SAMD4B: variants seen among roughly 807,000 people sequenced by gnomAD.
The protein encoded by SAMD4B is sterile alpha motif domain containing 4B.
SAMD4B carries 5 observed loss-of-function variants against 74.5 expected under a neutral mutation model. The ratio of observed to expected loss-of-function variants is 0.07; its 90% confidence interval spans 0.04 to 0.14. The LOEUF (loss-of-function observed/expected upper bound fraction) is 0.14. Ranked by LOEUF, SAMD4B falls within the 10% of genes least tolerant of loss-of-function variation. The pLI is 1.00. For synonymous variants in SAMD4B, 373 were observed against 374.9 expected (o/e 1.00, Z 0.06); for missense variants, 608 against 921.8 (o/e 0.66, Z 4.41).
At position 39,383,861 on chromosome 19, in the gene SAMD4B, G is replaced by C. The variant is rs1254954328; in HGVS notation, c.*334G>C. On this transcript the variant is annotated 3_prime_UTR_variant, in exon 14 of 14. Transcript: ENST00000610417. The surrounding 1 kb of genome is among the most constrained non-coding windows in gnomAD (Gnocchi z 4.1). Reference sequence around the variant, plus strand: ...GCCTCCTCCAGACCGCTGACCACCTGCCTCTCCCCAAGGGAGCAGACTCCC... The same window carrying C: ...GCCTCCTCCAGACCGCTGACCACCTCCCTCTCCCCAAGGGAGCAGACTCCC... The C allele has an allele frequency of 7.0e-6, 5 of 716,788 alleles. No homozygotes were observed. The highest frequency in any genetic ancestry group is 1.1e-5 in the Non-Finnish European group (5 of 435,590). The allele number at this position is 716,788 out of a possible 1,614,324, so 44.4% of individuals were successfully genotyped here. A position where few individuals can be genotyped will look rare whatever the true frequency, so the allele number is the denominator to read the frequency against.
chr19:39,377,761 C>T lies in SAMD4B; in HGVS notation c.1381C>T (p.Pro461Ser). 1 of 1,613,864 alleles carries T rather than the reference C, an allele frequency of 6.2e-7. No homozygotes were observed. Among genetic ancestry groups the T allele is most frequent in the Non-Finnish European group, 8.5e-7 (1 of 1,179,814 alleles). The change falls in exon 8 of 14, where the codon CCT becomes TCT. Residue 461 changes from proline (P) to serine (S), a missense_variant. Physicochemically the swap from Pro to Ser is moderately conservative, Grantham distance 74. This residue lies in a region of SAMD4B where 99 missense variants were observed against 112.1 expected (regional missense o/e 0.88). Coordinates refer to ENST00000610417, the MANE Select transcript of SAMD4B (RefSeq NM_001384574.2). ...TCCAGCTCCCACTGATGGCAGTGAG[C>T]CTGCCCCGGCTCCCGTCGCCGACGG... ...PAPAPTDGSE[P>S]APAPVADGDI...
Position 39,356,857 on chromosome 19 carries a change from A to G in SAMD4B, c.-37A>G. ...CCATGTGACGGCGCTGGCCCTCGCC[A>G]CCGCCGTCCCCCGACCCTGGCCCCA... is the stretch of plus-strand genomic sequence containing the variant. On this transcript the variant is annotated 5_prime_UTR_variant, in exon 3 of 14. Coordinates refer to ENST00000610417, the MANE Select transcript of SAMD4B (RefSeq NM_001384574.2). 6.4e-7 allele frequency: 1 copy of G among 1,563,456 alleles called. No individual in the cohort carries two copies. Among genetic ancestry groups the G allele is most frequent in the Non-Finnish European group, 8.7e-7 (1 of 1,148,464 alleles).
At chr19:39,344,308 G>GC (rs2075557378) in intron 1 of SAMD4B, among the ~76,000 whole-genome samples, 1 of 150,502 alleles carries the variant, frequency 6.6e-6, no homozygotes, top group Non-Finnish European at 1.5e-5. Flanking sequence ...AGAAGACCCC[G>GC]CCTTCCCCAT....
rs1433712730 is a variant in SAMD4B, at chr19:39,375,667, C to T, written c.685C>T (p.His229Tyr). The change falls in exon 5 of 14, where the codon CAC becomes TAC. Residue 229 changes from histidine (H) to tyrosine (Y), a missense_variant. By Grantham distance (83) the His-to-Tyr change is moderately conservative. This residue lies in a region of SAMD4B where 153 missense variants were observed against 153.0 expected (regional missense o/e 1.00). Coordinates refer to ENST00000610417, the MANE Select transcript of SAMD4B (RefSeq NM_001384574.2). This position sits in a 1 kb window ranked among gnomAD's most constrained non-coding sequence, Gnocchi z 4.1. ...NANTGLPCQI[H>Y]PSPLKRSMSL... The stretch of plus-strand genomic sequence containing the variant: ...CTGGCCAGGTCTCCCCTGCCAAATC[C>T]ACCCTAGCCCACTGAAGCGCTCCAT... 1.2e-6 allele frequency: 2 copies of T among 1,602,508 alleles called. No individual in the cohort carries two copies. Among genetic ancestry groups the T allele is most frequent in the Admixed American group, 3.3e-5 (2 of 59,760 alleles).
intron 2 of SAMD4B, among the ~76,000 whole-genome samples, chr19:39,354,350 C>T (rs1600525327): frequency 6.6e-6 from 1 of 152,194 alleles, no homozygotes; most frequent in South Asian, 2.1e-4. Context: ...GTCTTCTCTT[C>T]CCCAGAGGAA....
chr19:39,346,957 A>G (rs970256829), intron 1 of SAMD4B, among the ~76,000 whole-genome samples: 2 of 152,204 alleles, frequency 1.3e-5, no homozygotes, highest in Admixed American at 1.3e-4. Context: ...TGTCTTGCCC[A>G]TAATTGCAAT....
intron 4 of SAMD4B, among the ~76,000 whole-genome samples, chr19:39,371,840 C>T (rs1399817080): frequency 6.6e-6 from 1 of 151,460 alleles, no homozygotes; most frequent in African/African-American, 2.4e-5. Flanking sequence ...CAAAAACACA[C>T]ATCGAGTGCT....
intron 3 of SAMD4B, among the ~76,000 whole-genome samples, chr19:39,358,966 G>A (rs535242389): frequency 1.3e-5 from 2 of 152,314 alleles, no homozygotes; most frequent in South Asian, 2.1e-4. Flanking sequence ...TGATTGTAGC[G>A]GGAGACGGTT....
chr19:39,390,146 G>A (rs779575767), downstream of SAMD4B: 1 of 1,613,944 alleles, frequency 6.2e-7, no homozygotes, highest in Admixed American at 1.7e-5. Context: ...ACTTGACTCG[G>A]CAGACCACTC....
At chr19:39,376,078 C>G (rs1288461720) in intron 5 of SAMD4B, among the ~76,000 whole-genome samples, 189 bp downstream of exon 5, 1 of 152,158 alleles carries the variant, frequency 6.6e-6, no homozygotes, top group Non-Finnish European at 1.5e-5. Flanking sequence ...CTAACAAGTT[C>G]TAGTCTGACT....
chr19:39,378,384 A>G lies in SAMD4B; in HGVS notation c.1445-120A>G. 1.3e-6 allele frequency: 1 copy of G among 779,324 alleles called. No individual in the cohort carries two copies. The highest frequency in any genetic ancestry group is 2.1e-5 in the Admixed American group (1 of 46,902). The allele number at this position is 779,324 out of a possible 1,614,324, so 48.3% of individuals were successfully genotyped here. ...CCAAATACCATGGCTAGCACTTAATAGTTGATATTCATCCAGCCTGAGTCT... is the reference window on the plus strand; with the variant it reads ...CCAAATACCATGGCTAGCACTTAATGGTTGATATTCATCCAGCCTGAGTCT... On this transcript the variant is annotated intron_variant, in intron 8 of 13. Coordinates refer to ENST00000610417, the MANE Select transcript of SAMD4B (RefSeq NM_001384574.2). The surrounding 1 kb of genome is among the most constrained non-coding windows in gnomAD (Gnocchi z 4.4).
At chr19:39,381,303 C>T (rs1432933442) in intron 12 of SAMD4B, 190 bp downstream of exon 12, 2 of 615,524 alleles carry the variant, frequency 3.2e-6, no homozygotes, top group Admixed American at 7.1e-5. Flanking sequence ...TTTTATCTCT[C>T]AGGTCTTGCC....
At chr19:39,389,454 CCAG>C, downstream of SAMD4B, 2 of 1,613,506 alleles carry the variant, frequency 1.2e-6, no homozygotes, top group Non-Finnish European at 1.7e-6. This position sits in a 1 kb window ranked among gnomAD's most constrained non-coding sequence, Gnocchi z 5.3. Context: ...GAGCCAGTCT[CCAG>C]TACCCATTTG....
downstream of SAMD4B, chr19:39,389,737 G>A (rs555942261): frequency 2.4e-5 from 38 of 1,614,156 alleles, no homozygotes; most frequent in Middle Eastern, 2.0e-3. The surrounding 1 kb of genome is among the most constrained non-coding windows in gnomAD (Gnocchi z 5.3). Flanking sequence ...GTTTCTCCAA[G>A]GAAGTGGCTT....
At chr19:39,367,903 C>G (rs1484066360) in intron 3 of SAMD4B, among the ~76,000 whole-genome samples, 2 of 151,722 alleles carry the variant, frequency 1.3e-5, no homozygotes, top group East Asian at 2.0e-4. Context: ...TCTTAGGGAC[C>G]TCCCTTGTGG....
rs145168145 is a variant in SAMD4B at position 39,367,913 on chromosome 19, G to T, written c.197-1742G>T. Among the ~76,000 whole-genome samples, 1,046 of 151,916 alleles carry T rather than the reference G, an allele frequency of 6.9e-3. 6 individuals are homozygous for T. The highest frequency in any genetic ancestry group is 0.013 in the Admixed American group (200 of 15,266). On this transcript the variant is annotated intron_variant, in intron 3 of 13. Transcript: ENST00000610417. ...CATATTCTTAGGGACCTCCCTTGTG[G>T]GTTGAAAGGGGAAACCTGAGGCCGG... is the stretch of plus-strand genomic sequence containing the variant.
chr19:39,382,982 T>C (rs2078093671), intron 12 of SAMD4B, among the ~76,000 whole-genome samples: 1 of 152,146 alleles, frequency 6.6e-6, no homozygotes, highest in African/African-American at 2.4e-5. Flanking sequence ...TTCCACTCTC[T>C]GCAAGTCGGG....
rs1389579268 is a variant in SAMD4B at position 39,375,835 on chromosome 19, G to A, written c.853G>A (p.Glu285Lys). The A allele has an allele frequency of 6.2e-7, 1 of 1,613,098 alleles. No homozygotes were observed. Among genetic ancestry groups the A allele is most frequent in the Non-Finnish European group, 8.5e-7 (1 of 1,180,022 alleles). ...GGCCTCCTCTGGCAGTGAGCAGACA[G>A]AGGAGCAGGGCTCCAGCCGGAACAC... ...SVASSGSEQT[E>K]EQGSSRNTFQ... Residue 285 changes from glutamate (E) to lysine (K), a missense_variant, in exon 5 of 14, where the codon GAG becomes AAG. By Grantham distance (56) the Glu-to-Lys change is moderately conservative. Transcript: ENST00000610417. The surrounding 1 kb of genome is among the most constrained non-coding windows in gnomAD (Gnocchi z 4.1).
intron 12 of SAMD4B, among the ~76,000 whole-genome samples, chr19:39,382,266 G>T (rs919070285): frequency 2.0e-5 from 3 of 152,140 alleles, no homozygotes; most frequent in Non-Finnish European, 4.4e-5. Flanking sequence ...CAAGCAGGTG[G>T]ATGAACCGCA....
Sources: allele counts gnomAD v4.1 joint callset (sites outside exome capture counted in the v4.1 genomes callset), GRCh38; gene constraint gnomAD v4.1.1; regional missense constraint gnomAD v4.1.1; non-coding constraint Gnocchi (gnomAD v3.1); transcripts MANE v1.5; gene names NCBI Gene and HGNC (gene_info 2026-07-23, HGNC 2026-07-21).